Variants in FAM184A observed in about 807,000 individuals in gnomAD.
FAM184A encodes the protein protein FAM184A.
In FAM184A, 99 loss-of-function variants were observed where a neutral mutation model predicts 143.8. The ratio of observed to expected loss-of-function variants is 0.69; its 90% CI spans 0.58 to 0.81. The LOEUF (loss-of-function observed/expected upper bound fraction) is 0.81, where lower values mean the gene tolerates loss of function less well. FAM184A is among the 40% of genes least tolerant of loss of function. The probability of loss-of-function intolerance (pLI) is 0.00; values close to 1 mark genes in which losing one functional copy is unlikely to be tolerated. For synonymous variants in FAM184A, 427 were observed against 446.4 expected (o/e 0.96, Z 0.55); for missense variants, 1,217 against 1,310.5 (o/e 0.93, Z 1.10).
intron 1 of FAM184A, among the ~76,000 whole-genome samples, chr6:119,109,355 T>A (rs879426992): frequency 2.6e-5 from 4 of 152,234 alleles, no homozygotes; most frequent in Non-Finnish European, 4.4e-5. Flanking sequence ...ATTTTAGCAC[T>A]TAAACCTCAG....
At chr6:119,074,318 C>G (rs539147208) in intron 1 of FAM184A, among the ~76,000 whole-genome samples, 18 of 152,262 alleles carry the variant, frequency 1.2e-4, no homozygotes, top group African/African-American at 4.1e-4. Context: ...AATAATACCC[C>G]CTTCCCTAGT....
rs929145620 is a variant in FAM184A at position 119,078,045 on chromosome 6, C to T, written c.159+96G>A. The stretch of plus-strand genomic sequence containing the variant: ...TTCGGCGGAGGAGTAGAGTTCCCCT[C>T]GCTGCGGGCGCAGGGCGCACTGCCT... On this transcript the variant is annotated intron_variant, in intron 1 of 17. Transcript: ENST00000338891. The surrounding 1 kb of genome is among the most constrained non-coding windows in gnomAD (Gnocchi z 5.5). 3.6e-6 allele frequency: 5 copies of T among 1,399,380 alleles called. No homozygotes were observed. Among genetic ancestry groups the T allele is most frequent in the Middle Eastern group, 4.9e-4 (2 of 4,042 alleles). The allele number at this position is 1,399,380 out of a possible 1,614,324, so 86.7% of individuals were successfully genotyped here. A position where few individuals can be genotyped will look rare whatever the true frequency, so the allele number is the denominator to read the frequency against.
At chr6:119,074,111 T>C (rs567220316) in intron 1 of FAM184A, among the ~76,000 whole-genome samples, 4 of 152,300 alleles carry the variant, frequency 2.6e-5, no homozygotes, top group Non-Finnish European at 4.4e-5. Context: ...AGTGAAAGAA[T>C]AAGCTTTAAA....
At chr6:119,023,380 C>T (rs561104593) in intron 2 of FAM184A, among the ~76,000 whole-genome samples, 1 of 152,146 alleles carries the variant, frequency 6.6e-6, no homozygotes, top group African/African-American at 2.4e-5. Context: ...TTTTTTCCCC[C>T]AGACTTGTGC....
chr6:119,080,684 T>G (rs1257054334), upstream of FAM184A, among the ~76,000 whole-genome samples: 1 of 152,182 alleles, frequency 6.6e-6, no homozygotes, highest in Non-Finnish European at 1.5e-5. Flanking sequence ...AATCCAAAAA[T>G]CTGAAATCCA....
chr6:119,017,890 G>A (rs1785315833), intron 4 of FAM184A, among the ~76,000 whole-genome samples: 1 of 152,108 alleles, frequency 6.6e-6, no homozygotes, highest in South Asian at 2.1e-4. Flanking sequence ...GTTGTTTAAA[G>A]GAGCCTGGCA....
chr6:119,064,270 G>A (rs1582574845), intron 1 of FAM184A, among the ~76,000 whole-genome samples: 1 of 152,230 alleles, frequency 6.6e-6, no homozygotes, highest in Non-Finnish European at 1.5e-5. Context: ...CTCTTAAAAT[G>A]CAGTTCTTCA....
intron 10 of FAM184A, among the ~76,000 whole-genome samples, chr6:118,979,776 C>T (rs1783963335): frequency 6.6e-6 from 1 of 152,058 alleles, no homozygotes; most frequent in Non-Finnish European, 1.5e-5. Flanking sequence ...GGCACAGTGG[C>T]TCACCCTTGT....
At chr6:119,097,610 C>T (rs75037950) in intron 1 of FAM184A, among the ~76,000 whole-genome samples, 290 of 152,174 alleles carry the variant, frequency 1.9e-3, no homozygotes, top group Non-Finnish European at 3.3e-3. Context: ...GCTAAGTGGC[C>T]GAAACAATAA....
At position 119,146,069 on chromosome 6, in the gene FAM184A, AAG is replaced by A. The variant is rs1170553883; in HGVS notation, c.-202+3007_-202+3008del. Among the ~76,000 whole-genome samples the A allele has an allele frequency of 3.9e-5, 6 of 152,320 alleles. No homozygotes were observed. The East Asian group carries it at 1.2e-3, about 29-fold the overall frequency. ...ACCATCTGGGGACAGTCTATGGGTG[AAG>A]AGTTTGATTTGTTTAGTTATGTATT... On this transcript the variant is annotated intron_variant, in intron 1 of 16. Coordinates refer to the FAM184A transcript ENST00000352896.
At chr6:119,077,025 A>G (rs1158211923) in intron 1 of FAM184A, among the ~76,000 whole-genome samples, 1 of 152,192 alleles carries the variant, frequency 6.6e-6, no homozygotes, top group African/African-American at 2.4e-5. Context: ...CTCATTTTGT[A>G]GTCCTTTTAT....
intron 1 of FAM184A, among the ~76,000 whole-genome samples, chr6:119,088,217 TA>T (rs1053339663): frequency 1.4e-4 from 21 of 152,292 alleles, no homozygotes; most frequent in African/African-American, 4.6e-4. Flanking sequence ...AATATACACT[TA>T]AAAATGGTTA....
chr6:119,071,860 C>CTT (rs35786966), intron 1 of FAM184A, among the ~76,000 whole-genome samples: 4,421 of 94,008 alleles, frequency 0.047, 232 homozygotes, highest in Non-Finnish European at 0.059. Flanking sequence ...AACCTTTAAT[C>CTT]TTTTTTTTTT....
chr6:119,133,815 T>C (rs1258961133), intron 1 of FAM184A, among the ~76,000 whole-genome samples: 1 of 151,854 alleles, frequency 6.6e-6, no homozygotes, highest in Non-Finnish European at 1.5e-5. Flanking sequence ...TAATTATTAT[T>C]ATTACGATTT....
chr6:118,990,808 T>C (rs1286368092), intron 9 of FAM184A, among the ~76,000 whole-genome samples: 1 of 152,010 alleles, frequency 6.6e-6, no homozygotes, highest in African/African-American at 2.4e-5. Context: ...AAAGAATAGT[T>C]TGAACCGAGA....
rs186863041 is a variant in FAM184A, at chr6:118,969,840, C to G, written c.2916-2888G>C. Among the ~76,000 whole-genome samples the G allele has an allele frequency of 1.5e-3, 219 of 143,556 alleles. 1 individual carries two copies. The highest frequency in any genetic ancestry group is 5.6e-3 in the African/African-American group (215 of 38,200). The allele number at this position is 143,556 out of a possible 152,430, so 94.2% of individuals were successfully genotyped here. On this transcript the variant is annotated intron_variant, in intron 14 of 17. Transcript: ENST00000338891. The stretch of plus-strand genomic sequence containing the variant: ...AGGCCCTGGTGTGTGATGTTCCCCT[C>G]CCTGGGCCCACATGTTCTCCTTGTT...
chr6:119,032,676 G>A lies in FAM184A; in HGVS notation c.160-7863C>T, dbSNP rs530301059. Among the ~76,000 whole-genome samples the A allele has an allele frequency of 6.6e-5, 10 of 151,918 alleles. 1 individual carries two copies. The highest frequency in any genetic ancestry group is 2.2e-4 in the African/African-American group (9 of 41,440). On this transcript the variant is annotated intron_variant, in intron 1 of 17. Coordinates refer to ENST00000338891, the MANE Select transcript of FAM184A (RefSeq NM_024581.6). The stretch of plus-strand genomic sequence containing the variant: ...AAGGGAGGGAGCAGGGAGGTGGAAA[G>A]GGAAGGGAAGAAAAAGGGTGGGAAA...
chr6:119,026,895 T>C (rs564626082), intron 1 of FAM184A, among the ~76,000 whole-genome samples: 4 of 152,306 alleles, frequency 2.6e-5, no homozygotes, highest in South Asian at 4.1e-4. Flanking sequence ...TTGCATTCTG[T>C]AGAGAATCTC....
At chr6:119,138,461 C>A (rs1011780870) in intron 1 of FAM184A, among the ~76,000 whole-genome samples, 3 of 152,146 alleles carry the variant, frequency 2.0e-5, no homozygotes, top group Non-Finnish European at 4.4e-5. Context: ...CATTTCCTTA[C>A]CTTACCAGCT....
Sources: allele counts gnomAD v4.1 joint callset (sites outside exome capture counted in the v4.1 genomes callset), GRCh38; gene constraint gnomAD v4.1.1; non-coding constraint Gnocchi (gnomAD v3.1); transcripts MANE v1.5; gene names NCBI Gene and HGNC (gene_info 2026-07-23, HGNC 2026-07-21).